The following LMF1 variants were observed in gnomAD, a reference collection of about 807,000 sequenced individuals.
LMF1 encodes lipase maturation factor 1, also known as transmembrane protein 112.
LMF1 carries 68 observed loss-of-function variants against 60.6 expected under a neutral mutation model. That is an observed-to-expected ratio of 1.12 (90% CI 0.92 to 1.37). The LOEUF is 1.37. LMF1 is among the 40% of genes most tolerant of loss of function. LMF1 has a pLI of 0.00. For missense variants in LMF1, 948 were observed against 767.2 expected (o/e 1.24, Z -2.78); for synonymous variants, 418 against 324.7 (o/e 1.29, Z -3.09).
chr16:877,248 G>C (rs890570438), intron 6 of LMF1, among the ~76,000 whole-genome samples: 1 of 152,172 alleles, frequency 6.6e-6, no homozygotes, highest in Non-Finnish European at 1.5e-5. Context: ...ATAATACTAT[G>C]ACTTTTTTTG....
chr16:950,740 G>GCCA (rs200515630), intron 2 of LMF1, among the ~76,000 whole-genome samples: 4 of 90,450 alleles, frequency 4.4e-5, no homozygotes, highest in African/African-American at 1.4e-4. Flanking sequence ...CAGAGTCAGA[G>GCCA]ACGACAGAGT....
At chr16:921,157 A>G (rs2071420240) in intron 3 of LMF1, 1 of 152,322 alleles carries the variant, frequency 6.6e-6, no homozygotes, top group East Asian at 1.9e-4. Flanking sequence ...TTCTGGAGGC[A>G]ACTCAAGGAG....
chr16:925,229 C>G (rs971446305), intron 3 of LMF1, among the ~76,000 whole-genome samples: 2 of 152,200 alleles, frequency 1.3e-5, no homozygotes, highest in African/African-American at 2.4e-5. Context: ...TAAAAAGCCA[C>G]GTTGAAGATT....
intron 5 of LMF1, among the ~76,000 whole-genome samples, chr16:882,257 G>C (rs922076035): frequency 6.6e-6 from 1 of 152,256 alleles, no homozygotes; most frequent in African/African-American, 2.4e-5. Context: ...AAGAGCATCA[G>C]GCTCAGCTGT....
intron 3 of LMF1, 74 bp downstream of exon 3, chr16:934,170 A>C: frequency 6.3e-7 from 1 of 1,598,352 alleles, no homozygotes; most frequent in Non-Finnish European, 8.5e-7. Flanking sequence ...AGGCCAGGAA[A>C]AGTGCGTGAA....
At chr16:895,478 C>T (rs1056575438) in intron 4 of LMF1, among the ~76,000 whole-genome samples, 5 of 152,214 alleles carry the variant, frequency 3.3e-5, no homozygotes, top group Admixed American at 2.6e-4. Flanking sequence ...CTAGCCGGGG[C>T]CAGGCAGGAC....
intron 4 of LMF1, chr16:901,211 G>A (rs1338531387): frequency 6.6e-6 from 1 of 152,234 alleles, no homozygotes; most frequent in East Asian, 1.9e-4. Flanking sequence ...AAGGACCCTG[G>A]CTCAATTCCC....
At chr16:964,059 A>ACGAGGAAATAC (rs752948124) in intron 1 of LMF1, 16 of 455,952 alleles carry the variant, frequency 3.5e-5, no homozygotes, top group South Asian at 1.1e-4. Flanking sequence ...GGGAGCTGCA[A>ACGAGGAAATAC]CGAGGAAATA....
At chr16:855,843 G>A in intron 10 of LMF1, 1 of 456,064 alleles carries the variant, frequency 2.2e-6, no homozygotes, top group Non-Finnish European at 4.4e-6. Context: ...CCTGCACACA[G>A]CTGTGCTCTG....
chr16:856,054 G>T (rs765866330), intron 10 of LMF1: 1 of 432,900 alleles, frequency 2.3e-6, no homozygotes, highest in African/African-American at 2.0e-5. Flanking sequence ...TCCCTGAGGC[G>T]CCTGATGGGA....
At chr16:936,260 C>T (rs374691623) in intron 2 of LMF1, among the ~76,000 whole-genome samples, 6 of 136,264 alleles carry the variant, frequency 4.4e-5, no homozygotes, top group East Asian at 2.3e-4. Context: ...GAGAGGGCAC[C>T]CCGTGGGCTG....
rs2070344852 is a variant in LMF1 at position 887,514 on chromosome 16, C to T, written c.729+5493G>A. ...GGGCGTGAGCCGAGGCTTCTGTCAG[C>T]AAGGCTGCTCTAGGCAGCAGGGCCA... On this transcript the variant is annotated intron_variant, in intron 5 of 10. Coordinates refer to ENST00000262301, the MANE Select transcript of LMF1 (RefSeq NM_022773.4). Among the ~76,000 whole-genome samples, 3 of 152,202 alleles carry T rather than the reference C, an allele frequency of 2.0e-5. 1 individual carries two copies. In the South Asian group the frequency reaches 6.2e-4, roughly 32 times the overall value.
rs1567125384 is a variant in LMF1 at position 854,068 on chromosome 16, A to T, written c.*464T>A. The T allele has an allele frequency of 2.2e-6, 1 of 455,774 alleles. No individual in the cohort carries two copies. Among genetic ancestry groups the T allele is most frequent in the Non-Finnish European group, 4.4e-6 (1 of 228,006 alleles). 28.2% of individuals were successfully genotyped at this position (455,774 alleles called of 1,614,324 possible). On this transcript the variant is annotated 3_prime_UTR_variant, in exon 11 of 11. Coordinates refer to ENST00000262301, the MANE Select transcript of LMF1 (RefSeq NM_022773.4). ...AGGGTTTGGCTGCCCCAGACGTGAC[A>T]GGGACTTGGCTCTGAGGGTCAGGAC...
chr16:855,098 G>C (rs940281974), intron 10 of LMF1: 4 of 328,112 alleles, frequency 1.2e-5, no homozygotes, highest in Non-Finnish European at 2.4e-5. Context: ...GGTGGGGAGA[G>C]GAACCTACTG....
chr16:976,786 G>A (rs1467030406), intron 1 of LMF1: 1 of 454,126 alleles, frequency 2.2e-6, no homozygotes, highest in Non-Finnish European at 4.4e-6. Flanking sequence ...ACCTGTCACT[G>A]GGGAGAGAGC....
At chr16:872,558 G>C (rs114467264) in intron 6 of LMF1, 1 of 152,446 alleles carries the variant, frequency 6.6e-6, no homozygotes, top group East Asian at 1.9e-4. Context: ...AGCCACCTCT[G>C]CCACCAGCTC....
upstream of LMF1, chr16:975,700 G>A: frequency 2.3e-6 from 1 of 425,886 alleles, no homozygotes; most frequent in South Asian, 1.7e-5. Flanking sequence ...CCGCCTGAGG[G>A]CATCTTAATT....
chr16:940,607 G>A (rs1025142613), intron 2 of LMF1, among the ~76,000 whole-genome samples: 4 of 152,210 alleles, frequency 2.6e-5, no homozygotes, highest in African/African-American at 4.8e-5. Flanking sequence ...ACCCAACGCC[G>A]AACCCTATTC....
At chr16:864,549 T>A (rs1001068699) in intron 10 of LMF1, among the ~76,000 whole-genome samples, 1 of 152,242 alleles carries the variant, frequency 6.6e-6, no homozygotes, top group East Asian at 1.9e-4. Flanking sequence ...TAGGCTAGGC[T>A]GAGCTACGAC....
Sources: gnomAD v4.1 joint callset for allele counts (sites outside exome capture counted in the v4.1 genomes callset) on GRCh38, gnomAD v4.1.1 for gene constraint, MANE v1.5 for transcripts, NCBI Gene and HGNC (gene_info 2026-07-23, HGNC 2026-07-21) for gene names.